Variants in TENM1 observed in about 807,000 individuals in gnomAD.
The protein encoded by TENM1 is teneurin-1.
Under a neutral mutation model 174.8 loss-of-function variants are expected in TENM1, and 35 were observed. The ratio of observed to expected loss-of-function variants is 0.20; its 90% CI spans 0.15 to 0.27. The LOEUF (loss-of-function observed/expected upper bound fraction) is 0.27, where lower values mean the gene tolerates loss of function less well. TENM1 is among the 10% of genes least tolerant of loss of function. The probability of loss-of-function intolerance (pLI) is 1.00; values close to 1 mark genes in which losing one functional copy is unlikely to be tolerated. For synonymous variants in TENM1, 781 were observed against 798.7 expected (o/e 0.98, Z 0.37); for missense variants, 1,633 against 2,130.1 (o/e 0.77, Z 4.59).
At chrX:125,103,288 T>C in the TENM1 span, among the ~76,000 whole-genome samples, 1 of 111,567 alleles carries the variant, frequency 9.0e-6, no homozygotes, top group East Asian at 2.8e-4. Context: ...TGTAAAATGG[T>C]ACCTAAATTA....
At chrX:124,387,343 T>C (rs2060231685) in intron 28 of TENM1, among the ~76,000 whole-genome samples, 1 of 111,134 alleles carries the variant, frequency 9.0e-6, no homozygotes, top group South Asian at 3.9e-4. Flanking sequence ...AGGAGCACTG[T>C]TTTAGGGAGG....
chrX:124,509,365 A>C (rs1330624309), intron 18 of TENM1, among the ~76,000 whole-genome samples: 1 of 111,067 alleles, frequency 9.0e-6, no homozygotes, highest in Non-Finnish European at 1.9e-5. Flanking sequence ...ATCAAAAACA[A>C]GTGAAGAACA....
chrX:124,671,675 C>T lies in TENM1; in HGVS notation c.1168+8G>A, dbSNP rs2051924432. On this transcript the variant is annotated splice_region_variant and intron_variant, in intron 6 of 31. Coordinates refer to ENST00000422452, the Ensembl canonical transcript of TENM1. Reference sequence around the variant, plus strand: ...GTAATCAACAATCAATCATTTTGATCACTGTACCTTTTTTCTCTGATTTAT... The same window carrying T: ...GTAATCAACAATCAATCATTTTGATTACTGTACCTTTTTTCTCTGATTTAT... 1.7e-6 allele frequency: 2 copies of T among 1,198,926 alleles called. No individual in the cohort carries two copies. The highest frequency in any genetic ancestry group is 3.5e-5 in the African/African-American group (2 of 56,802).
intron 3 of TENM1, among the ~76,000 whole-genome samples, chrX:124,870,690 A>T (rs111512192): frequency 2.7e-5 from 3 of 110,511 alleles, no homozygotes; most frequent in African/African-American, 9.9e-5. Context: ...GATGTCAGTA[A>T]CAATGCTGCA....
At chrX:124,785,928 T>C (rs762188579) in intron 3 of TENM1, among the ~76,000 whole-genome samples, 2 of 111,979 alleles carry the variant, frequency 1.8e-5, no homozygotes, top group Non-Finnish European at 3.8e-5. Context: ...GAGCATCTTA[T>C]AGTAGCTTCA....
At chrX:124,498,566 C>A (rs182748805) in intron 19 of TENM1, among the ~76,000 whole-genome samples, 1,782 of 109,118 alleles carry the variant, frequency 0.016, 35 homozygotes, top group African/African-American at 0.055. Flanking sequence ...CTTTCACCTA[C>A]TTCCATTCCT....
At chrX:124,992,884 C>T in the TENM1 span, among the ~76,000 whole-genome samples, 4 of 111,181 alleles carry the variant, frequency 3.6e-5, no homozygotes, top group Admixed American at 3.8e-4. Flanking sequence ...ATATTAAATA[C>T]ATTTGTATGC....
At chrX:124,657,904 C>T (rs1334929878) in intron 6 of TENM1, among the ~76,000 whole-genome samples, 2 of 112,278 alleles carry the variant, frequency 1.8e-5, no homozygotes. Flanking sequence ...CTTTACTTCA[C>T]CCTATAACAT....
intron 23 of TENM1, among the ~76,000 whole-genome samples, chrX:124,427,862 T>C: frequency 9.0e-6 from 1 of 111,402 alleles, no homozygotes; most frequent in Non-Finnish European, 1.9e-5. Context: ...TAGAATTATA[T>C]GATACTAAGG....
the TENM1 span, among the ~76,000 whole-genome samples, chrX:125,127,253 T>C: frequency 1.3e-4 from 15 of 111,759 alleles, no homozygotes; most frequent in African/African-American, 3.9e-4. Context: ...TCCCCCACTC[T>C]ACTACTTTTT....
At chrX:124,569,808 T>C (rs2858435) in intron 11 of TENM1, among the ~76,000 whole-genome samples, 2 of 110,309 alleles carry the variant, frequency 1.8e-5, no homozygotes, top group African/African-American at 6.6e-5. Context: ...TATCGATTCT[T>C]AGAAATCAGA....
In TENM1 at chrX:124,530,314, C is replaced by T. The variant is rs73550488; in HGVS notation, c.2652-331G>A. Among the ~76,000 whole-genome samples, 21,190 of 109,716 alleles carry T rather than the reference C, an allele frequency of 0.19. 1,930 individuals carry two copies. The highest frequency in any genetic ancestry group is 0.35 in the African/African-American group (10,673 of 30,113). ...AGTATCCTATAACTTGCTTAACCTA[C>T]CCCTGATTTTCGGACATTTTGTTGT... On this transcript the variant is annotated intron_variant, in intron 15 of 31. Coordinates refer to ENST00000422452, the Ensembl canonical transcript of TENM1.
intron 5 of TENM1, among the ~76,000 whole-genome samples, chrX:124,691,869 A>T (rs2040413): frequency 0.21 from 23,036 of 110,128 alleles, 3,046 homozygotes; most frequent in African/African-American, 0.5. Context: ...TTTAATAGTA[A>T]TTTAACATGT....
At chrX:125,040,865 C>G in the TENM1 span, among the ~76,000 whole-genome samples, 2 of 111,382 alleles carry the variant, frequency 1.8e-5, no homozygotes, top group East Asian at 2.8e-4. Context: ...GGCTCATGAC[C>G]TCAGTAAACT....
chrX:125,066,849 G>A, the TENM1 span, among the ~76,000 whole-genome samples: 4 of 111,182 alleles, frequency 3.6e-5, no homozygotes, highest in Admixed American at 1.9e-4. Context: ...TGCTTCACAC[G>A]TTGCCTTGTT....
At chrX:125,134,046 T>C in the TENM1 span, among the ~76,000 whole-genome samples, 1 of 110,068 alleles carries the variant, frequency 9.1e-6, no homozygotes, top group African/African-American at 3.3e-5. Context: ...AAAGGGGGAG[T>C]TCTAAGAAAA....
intron 14 of TENM1, among the ~76,000 whole-genome samples, chrX:124,547,990 A>C (rs2048471587): frequency 9.0e-6 from 1 of 111,323 alleles, no homozygotes; most frequent in Non-Finnish European, 1.9e-5. Context: ...GCGCCCGCCA[A>C]CACACCCGGC....
At chrX:124,768,924 T>C (rs766130552) in intron 3 of TENM1, among the ~76,000 whole-genome samples, 1 of 112,417 alleles carries the variant, frequency 8.9e-6, no homozygotes, top group South Asian at 3.6e-4. Flanking sequence ...TCCTGTGTTT[T>C]ATTTAAAGTT....
the TENM1 span, among the ~76,000 whole-genome samples, chrX:125,001,852 TACACACACACACAC>T: frequency 2.4e-5 from 2 of 84,926 alleles, no homozygotes; most frequent in Non-Finnish European, 4.6e-5. Flanking sequence ...TATAGATAGA[TACACACACACACAC>T]ACACACACAC....
Sources: gnomAD v4.1 joint callset for allele counts (sites outside exome capture counted in the v4.1 genomes callset) on GRCh38, gnomAD v4.1.1 for gene constraint, MANE v1.5 for transcripts, NCBI Gene and HGNC (gene_info 2026-07-23, HGNC 2026-07-21) for gene names.